WDR70: variants seen among roughly 807,000 people sequenced by gnomAD.
The protein encoded by WDR70 is WD repeat domain 70, also known as WD repeat-containing protein 70.
A neutral mutation model predicts 88.6 loss-of-function variants in WDR70; 53 were observed. That is an observed-to-expected ratio of 0.60 (90% CI 0.48 to 0.75). WDR70 has a LOEUF of 0.75. WDR70 is among the 30% of genes least tolerant of loss of function. WDR70 has a pLI of 0.00. For synonymous variants in WDR70, 280 were observed against 270.0 expected (o/e 1.04, Z -0.36); for missense variants, 610 against 823.2 (o/e 0.74, Z 3.17).
chr5:37,510,835 G>A (rs1433294185), intron 8 of WDR70, among the ~76,000 whole-genome samples: 1 of 152,150 alleles, frequency 6.6e-6, no homozygotes, highest in Non-Finnish European at 1.5e-5. Flanking sequence ...GCAGGTCAGT[G>A]ATTTGATAAA....
At chr5:37,569,324 G>T (rs1456429648) in intron 9 of WDR70, among the ~76,000 whole-genome samples, 1 of 152,168 alleles carries the variant, frequency 6.6e-6, no homozygotes, top group African/African-American at 2.4e-5. Flanking sequence ...GAAGTCACTT[G>T]CTGCTTTCTC....
At chr5:37,566,390 A>C (rs1742742151) in intron 9 of WDR70, among the ~76,000 whole-genome samples, 1 of 152,068 alleles carries the variant, frequency 6.6e-6, no homozygotes, top group Non-Finnish European at 1.5e-5. Flanking sequence ...AGCTTGTTGA[A>C]TCTACCTCTT....
Position 37,491,472 on chromosome 5 carries a change from A to G in WDR70, c.840+11485A>G, listed in dbSNP as rs112690928. On this transcript the variant is annotated intron_variant, in intron 8 of 17. Transcript: ENST00000265107. ...TCTTTTTCTTTTCAACATGAAAGCA[A>G]TTCTCTGCCATTTATTTTTAAATTA... Among the ~76,000 whole-genome samples the G allele has an allele frequency of 2.6e-5, 4 of 152,320 alleles. 1 individual carries two copies. The highest frequency in any genetic ancestry group is 9.6e-5 in the African/African-American group (4 of 41,566).
intron 7 of WDR70, among the ~76,000 whole-genome samples, chr5:37,457,151 G>A (rs573866841): frequency 9.9e-5 from 15 of 152,008 alleles, no homozygotes; most frequent in African/African-American, 2.2e-4. Context: ...GCTGGAGTGC[G>A]GTGGCGCAAT....
At position 37,686,951 on chromosome 5, in the gene WDR70, AAATAATAATAAT is replaced by A. The variant is rs70978838; in HGVS notation, c.1093-10680_1093-10669del. On this transcript the variant is annotated intron_variant, in intron 10 of 17. Transcript: ENST00000265107. ...GCAACAAGAGCAAAACTCTGTCTCA[AAATAATAATAAT>A]AATAATAATAATAATAATAATAAGC... Among the ~76,000 whole-genome samples, 42 of 143,070 alleles carry A rather than the reference AAATAATAATAAT, an allele frequency of 2.9e-4. No homozygotes were observed. In the East Asian group the frequency reaches 6.7e-3, roughly 23 times the overall value. The allele number at this position is 143,070 out of a possible 152,430, so 93.9% of individuals were successfully genotyped here.
At chr5:37,547,652 CTT>C (rs1742035362) in intron 9 of WDR70, among the ~76,000 whole-genome samples, 1 of 152,060 alleles carries the variant, frequency 6.6e-6, no homozygotes, top group African/African-American at 2.4e-5. Context: ...TCCAGTTATA[CTT>C]TTTTAGTTTT....
intron 10 of WDR70, among the ~76,000 whole-genome samples, chr5:37,627,146 T>C (rs1744691960): frequency 6.6e-6 from 1 of 152,186 alleles, no homozygotes; most frequent in Admixed American, 6.5e-5. Context: ...TGGAGTGCAG[T>C]GGCTTGATCT....
chr5:37,583,337 C>T (rs1408691471), intron 9 of WDR70, among the ~76,000 whole-genome samples: 2 of 151,024 alleles, frequency 1.3e-5, no homozygotes, highest in African/African-American at 2.4e-5. Flanking sequence ...AGGAGAATGG[C>T]GTGAACCCAG....
intron 5 of WDR70, among the ~76,000 whole-genome samples, chr5:37,415,839 C>T (rs1460972508): frequency 1.4e-5 from 2 of 147,428 alleles, no homozygotes; most frequent in Non-Finnish European, 3.0e-5. Context: ...GACGGGGTCG[C>T]GGCCGGGCAG....
chr5:37,527,452 C>T (rs540602122), intron 9 of WDR70, among the ~76,000 whole-genome samples: 1 of 152,178 alleles, frequency 6.6e-6, no homozygotes, highest in Non-Finnish European at 1.5e-5. Flanking sequence ...GAAACTGGAT[C>T]CCTTCCTTAT....
In WDR70 at chr5:37,722,983, T is replaced by C. The variant is rs201565796; in HGVS notation, c.1597+49T>C. The C allele has an allele frequency of 1.1e-3, 1,790 of 1,602,874 alleles. 2 individuals are homozygous for C. Among genetic ancestry groups the C allele is most frequent in the Non-Finnish European group, 1.4e-3 (1,695 of 1,170,470 alleles). On this transcript the variant is annotated intron_variant, in intron 15 of 17. Coordinates refer to ENST00000265107, the MANE Select transcript of WDR70 (RefSeq NM_018034.4). The stretch of plus-strand genomic sequence containing the variant: ...ATCATGCATCTCTCTTCTACTCTCA[T>C]GTGGTTTTGATTGCATAGCTTTAGA...
intron 8 of WDR70, chr5:37,506,527 C>T: frequency 1.3e-6 from 1 of 770,524 alleles, no homozygotes; most frequent in South Asian, 1.3e-5. Flanking sequence ...CTGTCAGGTT[C>T]TTTATTCGCT....
intron 9 of WDR70, among the ~76,000 whole-genome samples, chr5:37,604,320 G>A (rs1348407143): frequency 6.6e-6 from 1 of 152,204 alleles, no homozygotes; most frequent in Non-Finnish European, 1.5e-5. Context: ...AGAACTTTAA[G>A]GATGTTGTTC....
At chr5:37,517,542 T>C (rs1211513143) in intron 9 of WDR70, among the ~76,000 whole-genome samples, 1 of 152,024 alleles carries the variant, frequency 6.6e-6, no homozygotes, top group Non-Finnish European at 1.5e-5. Flanking sequence ...TAATTTTGTA[T>C]TTTTAGTAGA....
intron 13 of WDR70, among the ~76,000 whole-genome samples, chr5:37,713,100 C>A (rs1747562219): frequency 1.3e-5 from 2 of 152,260 alleles, no homozygotes; most frequent in South Asian, 2.1e-4. Flanking sequence ...TTTGAAATAA[C>A]GTTTACTGTA....
At chr5:37,751,115 T>A (rs2112750358) in intron 17 of WDR70, among the ~76,000 whole-genome samples, 1 of 152,356 alleles carries the variant, frequency 6.6e-6, no homozygotes, top group South Asian at 2.1e-4. Flanking sequence ...AAGGATTTTT[T>A]AACCTGGACA....
At position 37,509,727 on chromosome 5, in the gene WDR70, A is replaced by G. The variant is rs546774771; in HGVS notation, c.841-6787A>G. Among the ~76,000 whole-genome samples, 220 of 151,122 alleles carry G rather than the reference A, an allele frequency of 1.5e-3. 1 individual carries two copies. The highest frequency in any genetic ancestry group is 5.2e-3 in the African/African-American group (213 of 41,114). ...CATTAACATCTTCCCAGTTGGACCTATAAATTCTTTTTTTTTCTCGTTTTT... is the reference window on the plus strand; with the variant it reads ...CATTAACATCTTCCCAGTTGGACCTGTAAATTCTTTTTTTTTCTCGTTTTT... On this transcript the variant is annotated intron_variant, in intron 8 of 17. Coordinates refer to ENST00000265107, the MANE Select transcript of WDR70 (RefSeq NM_018034.4).
intron 9 of WDR70, among the ~76,000 whole-genome samples, chr5:37,561,702 T>C (rs1331289377): frequency 6.6e-6 from 1 of 152,254 alleles, no homozygotes; most frequent in African/African-American, 2.4e-5. Flanking sequence ...TCTCATTGTA[T>C]TGGCAAAGCT....
chr5:37,690,482 G>C (rs1162798025), intron 10 of WDR70, among the ~76,000 whole-genome samples: 4 of 152,136 alleles, frequency 2.6e-5, no homozygotes, highest in African/African-American at 9.7e-5. Context: ...AACCACAAAG[G>C]GAAGCCCATC....
Sources: gnomAD v4.1 joint callset for allele counts (sites outside exome capture counted in the v4.1 genomes callset) on GRCh38, gnomAD v4.1.1 for gene constraint, MANE v1.5 for transcripts, NCBI Gene and HGNC (gene_info 2026-07-23, HGNC 2026-07-21) for gene names.